The following PTPRG variants were observed in gnomAD, a reference collection of about 807,000 sequenced individuals.
PTPRG encodes receptor-type tyrosine-protein phosphatase gamma.
Under a neutral mutation model 165.3 loss-of-function variants are expected in PTPRG, and 102 were observed. The observed-to-expected ratio is 0.62, with a 90% CI of 0.53 to 0.73. The LOEUF (loss-of-function observed/expected upper bound fraction) is 0.73. Ranked by LOEUF, PTPRG falls within the 30% of genes least tolerant of loss-of-function variation. PTPRG has a pLI of 0.00. For missense variants in PTPRG, 1,866 were observed against 1,861.4 expected (o/e 1.00, Z -0.05); for synonymous variants, 675 against 669.5 (o/e 1.01, Z -0.13).
chr3:61,836,939 C>A (rs2036485674), intron 2 of PTPRG, among the ~76,000 whole-genome samples: 1 of 151,542 alleles, frequency 6.6e-6, no homozygotes, highest in Admixed American at 6.6e-5. Flanking sequence ...GAGATGGAGT[C>A]TTGCTCAGTC....
chr3:62,200,172 A>G lies in PTPRG; in HGVS notation c.1328-1333A>G, dbSNP rs144731470. 4.4e-3 allele frequency among the ~76,000 whole-genome samples: 665 copies of G among 152,356 alleles called. 4 individuals are homozygous for G. The highest frequency in any genetic ancestry group is 0.015 in the African/African-American group (642 of 41,584). On this transcript the variant is annotated intron_variant, in intron 10 of 29. Coordinates refer to ENST00000474889, the MANE Select transcript of PTPRG (RefSeq NM_002841.4). ...AAAGTTCTGGAGACGGATAGAAGTA[A>G]TGGTTGTACAACTGTGTGAACAACC...
In PTPRG at chr3:61,700,471, G is replaced by A. The variant is rs191532238; in HGVS notation, c.86-48407G>A. Among the ~76,000 whole-genome samples, 723 of 152,236 alleles carry A rather than the reference G, an allele frequency of 4.7e-3. 1 individual carries two copies. The highest frequency in any genetic ancestry group is 0.011 in the Admixed American group (167 of 15,290). ...CCTAATTGCCTTTTCTTTATATTTA[G>A]CTTAACTTTAAAGGAAATTTATAAC... On this transcript the variant is annotated intron_variant, in intron 1 of 29. Coordinates refer to ENST00000474889, the MANE Select transcript of PTPRG (RefSeq NM_002841.4).
At chr3:61,747,342 G>A (rs2033249920) in intron 1 of PTPRG, among the ~76,000 whole-genome samples, 1 of 152,196 alleles carries the variant, frequency 6.6e-6, no homozygotes, top group Non-Finnish European at 1.5e-5. Context: ...ATGGAAAGAG[G>A]AAGGATTAAT....
intron 1 of PTPRG, among the ~76,000 whole-genome samples, chr3:61,745,638 C>G (rs531024047): frequency 6.6e-6 from 1 of 152,176 alleles, no homozygotes; most frequent in Non-Finnish European, 1.5e-5. Flanking sequence ...GTAGCAGAAC[C>G]GTACCTTTTA....
intron 11 of PTPRG, among the ~76,000 whole-genome samples, chr3:62,201,817 C>A (rs75440525): frequency 6.6e-6 from 1 of 152,122 alleles, no homozygotes; most frequent in Non-Finnish European, 1.5e-5. Context: ...TGGGATCAGA[C>A]GATGCAGGAC....
At chr3:61,820,112 C>T (rs9864736) in intron 2 of PTPRG, among the ~76,000 whole-genome samples, 201 of 152,162 alleles carry the variant, frequency 1.3e-3, no homozygotes, top group African/African-American at 4.5e-3. Flanking sequence ...AGTTAGGGTT[C>T]TTCAGAGGAG....
At chr3:61,588,965 A>G (rs1036047680) in intron 1 of PTPRG, among the ~76,000 whole-genome samples, 2 of 152,162 alleles carry the variant, frequency 1.3e-5, no homozygotes, top group African/African-American at 4.8e-5. Flanking sequence ...TGATCTCTCC[A>G]TAGCTTATAG....
At chr3:61,829,706 T>C (rs2036217804) in intron 2 of PTPRG, among the ~76,000 whole-genome samples, 1 of 152,262 alleles carries the variant, frequency 6.6e-6, no homozygotes, top group Admixed American at 6.5e-5. Flanking sequence ...TTTTGTTGTT[T>C]TGTTGCTGTC....
chr3:61,857,928 C>T (rs1227764713), intron 2 of PTPRG, among the ~76,000 whole-genome samples: 1 of 152,120 alleles, frequency 6.6e-6, no homozygotes, highest in African/African-American at 2.4e-5. Context: ...ACATCCCTGC[C>T]TCTATCCACT....
intron 14 of PTPRG, among the ~76,000 whole-genome samples, chr3:62,231,967 A>G (rs1700914254): frequency 6.6e-6 from 1 of 152,158 alleles, no homozygotes; most frequent in Non-Finnish European, 1.5e-5. Flanking sequence ...TCTCTTGATA[A>G]TATTTCTGTA....
intron 1 of PTPRG, among the ~76,000 whole-genome samples, chr3:61,675,798 A>G (rs1409624451): frequency 6.6e-6 from 1 of 152,142 alleles, no homozygotes; most frequent in African/African-American, 2.4e-5. Context: ...TTGCTTTTGC[A>G]TACATTTTGA....
chr3:62,115,429 C>G (rs1223306662), intron 5 of PTPRG, among the ~76,000 whole-genome samples: 1 of 152,094 alleles, frequency 6.6e-6, no homozygotes, highest in African/African-American at 2.4e-5. Flanking sequence ...GGAGTATAAG[C>G]AGGTAGGTTA....
At chr3:61,860,910 C>T (rs2037249992) in intron 2 of PTPRG, among the ~76,000 whole-genome samples, 1 of 152,072 alleles carries the variant, frequency 6.6e-6, no homozygotes, top group Non-Finnish European at 1.5e-5. Context: ...AGTCAAGATT[C>T]TGAATAAGTC....
At chr3:61,924,118 T>C (rs1315820966) in intron 2 of PTPRG, among the ~76,000 whole-genome samples, 1 of 152,226 alleles carries the variant, frequency 6.6e-6, no homozygotes, top group African/African-American at 2.4e-5. Context: ...TTATGTTTCC[T>C]CTTGGGCTCA....
chr3:62,068,914 A>G (rs1701111017), intron 4 of PTPRG, among the ~76,000 whole-genome samples: 1 of 152,220 alleles, frequency 6.6e-6, no homozygotes, highest in East Asian at 1.9e-4. Flanking sequence ...ATGATATTGC[A>G]TAAAGGAAGT....
At chr3:61,756,462 T>C (rs895676056) in intron 2 of PTPRG, among the ~76,000 whole-genome samples, 1 of 152,242 alleles carries the variant, frequency 6.6e-6, no homozygotes, top group African/African-American at 2.4e-5. Flanking sequence ...TGTTGCCATA[T>C]GCTTAAGGTA....
At chr3:61,968,049 A>G (rs1193050010) in intron 2 of PTPRG, among the ~76,000 whole-genome samples, 2 of 152,210 alleles carry the variant, frequency 1.3e-5, no homozygotes, top group Non-Finnish European at 2.9e-5. Flanking sequence ...GGAAGTTGAG[A>G]AAGAAGAGAG....
At chr3:62,209,298 G>T (rs1475624219) in intron 12 of PTPRG, among the ~76,000 whole-genome samples, 1 of 152,034 alleles carries the variant, frequency 6.6e-6, no homozygotes, top group East Asian at 1.9e-4. Context: ...ATGGCGCACA[G>T]GACAGCTCCA....
At chr3:62,043,029 A>AT (rs200450172) in intron 4 of PTPRG, among the ~76,000 whole-genome samples, 12 of 152,022 alleles carry the variant, frequency 7.9e-5, no homozygotes, top group Admixed American at 4.6e-4. Flanking sequence ...TTAGGGTACA[A>AT]TTTTTTTTAT....
Sources: allele counts gnomAD v4.1 joint callset (sites outside exome capture counted in the v4.1 genomes callset), GRCh38; gene constraint gnomAD v4.1.1; transcripts MANE v1.5; gene names NCBI Gene and HGNC (gene_info 2026-07-23, HGNC 2026-07-21).